GNG4: variants seen among roughly 807,000 people sequenced by gnomAD.
The protein encoded by GNG4 is guanine nucleotide-binding protein G(I)/G(S)/G(O) subunit gamma-4.
GNG4 carries 4 observed loss-of-function variants against 5.8 expected under a neutral mutation model. The ratio of observed to expected loss-of-function variants is 0.69; its 90% CI spans 0.34 to 1.57. The LOEUF (loss-of-function observed/expected upper bound fraction) is 1.57, where lower values mean the gene tolerates loss of function less well. Among genes scored for constraint, GNG4 ranks in the 40% most tolerant of loss-of-function variants. GNG4 has a pLI of 0.06. For synonymous variants in GNG4, 29 were observed against 32.9 expected, an observed-to-expected ratio of 0.88 and a Z score of 0.41; for missense variants, 96 against 95.1, an observed-to-expected ratio of 1.01 and a Z score of -0.04.
chr1:235,620,927 C>G (rs1010493329), intron 1 of GNG4, among the ~76,000 whole-genome samples: 1 of 152,192 alleles, frequency 6.6e-6, no homozygotes, highest in African/African-American at 2.4e-5. Flanking sequence ...GTAGCTTCAA[C>G]CTCTTTCTGG....
intron 1 of GNG4, among the ~76,000 whole-genome samples, chr1:235,596,470 G>A (rs1688128506): frequency 6.6e-6 from 1 of 152,206 alleles, no homozygotes; most frequent in South Asian, 2.1e-4. Flanking sequence ...CCGACAGGCA[G>A]AGGTTGCGGT....
chr1:235,563,402 TCAAAAA>T (rs1366403812), intron 3 of GNG4, among the ~76,000 whole-genome samples: 2 of 39,678 alleles, frequency 5.0e-5, no homozygotes, highest in African/African-American at 2.3e-4. Flanking sequence ...TGAAACTGTC[TCAAAAA>T]AAAAAAAAAA....
chr1:235,557,672 C>A (rs1686953896), intron 3 of GNG4, among the ~76,000 whole-genome samples: 1 of 152,160 alleles, frequency 6.6e-6, no homozygotes, highest in South Asian at 2.1e-4. Flanking sequence ...TCTTTTAATT[C>A]TCTAGGAGCA....
intron 2 of GNG4, among the ~76,000 whole-genome samples, chr1:235,592,926 G>C (rs1688011975): frequency 6.7e-6 from 1 of 149,538 alleles, no homozygotes; most frequent in African/African-American, 2.5e-5. Context: ...TGGGCAAGCA[G>C]ACCCCGGTTT....
chr1:235,555,679 TAAAAA>T (rs59029355), intron 3 of GNG4, among the ~76,000 whole-genome samples: 6 of 127,468 alleles, frequency 4.7e-5, no homozygotes, highest in South Asian at 2.7e-4. Flanking sequence ...ACCCTGTCTC[TAAAAA>T]AAAAAAAAAA....
intron 3 of GNG4, among the ~76,000 whole-genome samples, chr1:235,555,000 G>A (rs1009172420): frequency 1.3e-5 from 2 of 152,164 alleles, no homozygotes; most frequent in African/African-American, 4.8e-5. Flanking sequence ...CAGAAAGGAA[G>A]TATTCACTAT....
chr1:235,570,923 T>TACACATACAC (rs374579255), intron 3 of GNG4, among the ~76,000 whole-genome samples: 4,269 of 97,266 alleles, frequency 0.044, 297 homozygotes, highest in African/African-American at 0.15. Flanking sequence ...CATATATATA[T>TACACATACAC]ACACACACAC....
chr1:235,630,712 G>A lies in GNG4; in HGVS notation c.-123+18950C>T, dbSNP rs181212218. On this transcript the variant is annotated intron_variant, in intron 1 of 3. Transcript: ENST00000391854. ...CATGGCCTGTAGACTTGAGGGACACGGGCTCTGGAAGAGGAACTCTGAAAT... is the reference window on the plus strand; with the variant it reads ...CATGGCCTGTAGACTTGAGGGACACAGGCTCTGGAAGAGGAACTCTGAAAT... 2.8e-4 allele frequency among the ~76,000 whole-genome samples: 43 copies of A among 152,290 alleles called. No homozygotes were observed. The East Asian group carries it at 7.7e-3, about 27-fold the overall frequency.
Position 235,605,334 on chromosome 1 carries a change from G to T in GNG4, c.-122-9823C>A, listed in dbSNP as rs376921213. 5.3e-5 allele frequency among the ~76,000 whole-genome samples: 8 copies of T among 152,166 alleles called. No individual in the cohort carries two copies. The East Asian group carries it at 1.5e-3, about 29-fold the overall frequency. ...GCCTCCCAAGTAGCTAGGATTACAG[G>T]CATGCGCCACCACGCCCAGCTAATA... On this transcript the variant is annotated intron_variant, in intron 1 of 3. Coordinates refer to ENST00000391854, the MANE Select transcript of GNG4 (RefSeq NM_001098722.2).
At chr1:235,612,062 T>A (rs2102969469) in intron 1 of GNG4, among the ~76,000 whole-genome samples, 1 of 27,072 alleles carries the variant, frequency 3.7e-5, no homozygotes, top group South Asian at 1.9e-3. Context: ...AGACTTTGTC[T>A]CACAAAAAAA....
intron 1 of GNG4, among the ~76,000 whole-genome samples, chr1:235,614,029 T>C (rs908142160): frequency 6.6e-6 from 1 of 152,190 alleles, no homozygotes; most frequent in Non-Finnish European, 1.5e-5. Context: ...CCCAGGCTGG[T>C]GTCAAAATCC....
intron 1 of GNG4, among the ~76,000 whole-genome samples, chr1:235,643,481 G>A (rs1657398214): frequency 6.6e-6 from 1 of 152,190 alleles, no homozygotes; most frequent in Non-Finnish European, 1.5e-5. Context: ...TGACTCCTCT[G>A]GAGTGCATGA....
intron 1 of GNG4, among the ~76,000 whole-genome samples, chr1:235,623,156 A>C (rs1168307455): frequency 1.3e-5 from 2 of 152,130 alleles, no homozygotes; most frequent in Admixed American, 1.3e-4. Context: ...GACCAGAAAG[A>C]CAGGGTTTAT....
At chr1:235,628,105 G>A (rs1423132517) in intron 1 of GNG4, among the ~76,000 whole-genome samples, 6 of 152,084 alleles carry the variant, frequency 3.9e-5, no homozygotes, top group African/African-American at 1.2e-4. Context: ...GCTTGAACCC[G>A]GGAGGTGGAG....
chr1:235,629,292 G>T (rs898616655), intron 1 of GNG4, among the ~76,000 whole-genome samples: 1 of 152,136 alleles, frequency 6.6e-6, no homozygotes, highest in Admixed American at 6.5e-5. Flanking sequence ...TGGGATTACA[G>T]GTGTGAGTCA....
At chr1:235,587,669 A>G (rs1687843323) in intron 2 of GNG4, among the ~76,000 whole-genome samples, 10 of 4,662 alleles carry the variant, frequency 2.1e-3, no homozygotes, top group Non-Finnish European at 2.7e-3. Context: ...TGTGTGTGTG[A>G]CTGTGGGGTA....
chr1:235,559,273 G>A (rs533923333), intron 3 of GNG4, among the ~76,000 whole-genome samples: 2 of 152,244 alleles, frequency 1.3e-5, no homozygotes, highest in East Asian at 3.9e-4. Flanking sequence ...TATTTTACAA[G>A]GTCTATAATG....
At chr1:235,603,047 A>G (rs1282163051) in intron 1 of GNG4, among the ~76,000 whole-genome samples, 18 of 152,122 alleles carry the variant, frequency 1.2e-4, no homozygotes. Flanking sequence ...GTTCCAGATC[A>G]GCCTGGCCAA....
chr1:235,569,457 C>CA (rs10660622), intron 3 of GNG4, among the ~76,000 whole-genome samples: 42,768 of 139,786 alleles, frequency 0.31, 7,678 homozygotes, highest in African/African-American at 0.5. Context: ...GACCGTGTCT[C>CA]AAAAAAAAAA....
Sources: gnomAD v4.1 joint callset for allele counts (sites outside exome capture counted in the v4.1 genomes callset) on GRCh38, gnomAD v4.1.1 for gene constraint, MANE v1.5 for transcripts, NCBI Gene and HGNC (gene_info 2026-07-23, HGNC 2026-07-21) for gene names.